The following SUGCT variants were observed in gnomAD, a reference collection of about 807,000 sequenced individuals.
The protein encoded by SUGCT is succinyl-CoA:glutarate-CoA transferase, also known as succinyl-CoA:glutarate CoA-transferase.
In SUGCT, 41 loss-of-function variants were observed where a neutral mutation model predicts 55.0. The ratio of observed to expected loss-of-function variants is 0.74; its 90% CI spans 0.58 to 0.97. The LOEUF (loss-of-function observed/expected upper bound fraction) is 0.97, where lower values mean the gene tolerates loss of function less well. SUGCT is among the 50% of genes least tolerant of loss of function. The probability of loss-of-function intolerance (pLI) is 0.00; values close to 1 mark genes in which losing one functional copy is unlikely to be tolerated. For missense variants in SUGCT, 568 were observed against 547.8 expected (o/e 1.04, Z -0.37); for synonymous variants, 187 against 200.4 (o/e 0.93, Z 0.56).
intron 12 of SUGCT, among the ~76,000 whole-genome samples, chr7:40,579,025 T>A (rs1562875565): frequency 6.6e-6 from 1 of 152,130 alleles, no homozygotes; most frequent in Non-Finnish European, 1.5e-5. Flanking sequence ...CGTGCTTGGC[T>A]CCAGGGACAG....
chr7:40,278,641 C>G (rs1028981657), intron 8 of SUGCT, among the ~76,000 whole-genome samples: 2 of 152,038 alleles, frequency 1.3e-5, no homozygotes, highest in African/African-American at 4.8e-5. Flanking sequence ...CTCTGTCCTC[C>G]CTTTCTTCTC....
At chr7:40,179,862 G>A (rs182769055) in intron 1 of SUGCT, among the ~76,000 whole-genome samples, 7 of 152,270 alleles carry the variant, frequency 4.6e-5, no homozygotes, top group Admixed American at 2.0e-4. Flanking sequence ...TCCTGTTGGC[G>A]AAAACAAGGC....
intron 10 of SUGCT, among the ~76,000 whole-genome samples, chr7:40,458,428 A>G (rs1438730405): frequency 6.6e-6 from 1 of 152,204 alleles, no homozygotes; most frequent in African/African-American, 2.4e-5. Flanking sequence ...CAAAAGAGGA[A>G]ATCTATAAAA....
rs11307043 is a variant in SUGCT at position 40,800,286 on chromosome 7, CTT to C, written c.1153+50807_1153+50808del. Among the ~76,000 whole-genome samples the C allele has an allele frequency of 1.0e-3, 130 of 124,580 alleles. 1 individual carries two copies. Among genetic ancestry groups the C allele is most frequent in the African/African-American group, 1.8e-3 (60 of 33,552 alleles). 81.7% of individuals were successfully genotyped at this position (124,580 alleles called of 152,430 possible). ...CAGGGTTGGGGTGTCGTATTCATGA[CTT>C]TTTTTTTTTTTTTTTTTGAGACAAA... On this transcript the variant is annotated intron_variant, in intron 13 of 13. Transcript: ENST00000335693.
At chr7:40,944,634 T>C in the SUGCT span, among the ~76,000 whole-genome samples, 1 of 152,038 alleles carries the variant, frequency 6.6e-6, no homozygotes, top group African/African-American at 2.4e-5. Flanking sequence ...TGTTCCATTG[T>C]TTTGGTACCA....
At chr7:40,266,065 C>T (rs1460652183) in intron 7 of SUGCT, among the ~76,000 whole-genome samples, 1 of 151,986 alleles carries the variant, frequency 6.6e-6, no homozygotes, top group Non-Finnish European at 1.5e-5. Flanking sequence ...AGAAAAACCA[C>T]TAAACCATTT....
intron 12 of SUGCT, among the ~76,000 whole-genome samples, chr7:40,601,128 T>C (rs1298768881): frequency 1.3e-5 from 2 of 152,212 alleles, no homozygotes; most frequent in Non-Finnish European, 2.9e-5. Flanking sequence ...AGTTTATCTA[T>C]GTGCAGGACC....
chr7:40,979,979 A>G, the SUGCT span: 2 of 152,222 alleles, frequency 1.3e-5, no homozygotes, highest in East Asian at 1.9e-4. Context: ...AATACCCTGG[A>G]CTAGGTGACA....
At chr7:40,870,226 G>A in the SUGCT span, among the ~76,000 whole-genome samples, 1 of 152,094 alleles carries the variant, frequency 6.6e-6, no homozygotes, top group African/African-American at 2.4e-5. Flanking sequence ...AGTGTTACAT[G>A]GCTGTGCTCT....
chr7:40,821,495 G>A (rs1221757176), intron 13 of SUGCT, among the ~76,000 whole-genome samples: 1 of 152,186 alleles, frequency 6.6e-6, no homozygotes, highest in South Asian at 2.1e-4. Context: ...AGTCTTGGGA[G>A]GGTGTATGTG....
intron 9 of SUGCT, among the ~76,000 whole-genome samples, chr7:40,332,443 A>ATTTTTTTT (rs57902207): frequency 1.4e-5 from 2 of 139,386 alleles, no homozygotes; most frequent in African/African-American, 2.6e-5. Flanking sequence ...TCTGCATTGG[A>ATTTTTTTT]TTTTTTTTTT....
At chr7:40,613,441 A>C (rs1798855815) in intron 12 of SUGCT, among the ~76,000 whole-genome samples, 1 of 152,210 alleles carries the variant, frequency 6.6e-6, no homozygotes, top group African/African-American at 2.4e-5. Flanking sequence ...TGTTTTCCCC[A>C]ACTGGGATAG....
the SUGCT span, among the ~76,000 whole-genome samples, chr7:41,029,137 C>G: frequency 6.6e-6 from 1 of 152,134 alleles, no homozygotes; most frequent in Admixed American, 6.5e-5. Context: ...CGTGAGGACT[C>G]CCCAGCAAGC....
At chr7:40,568,338 C>T (rs897636644) in intron 12 of SUGCT, among the ~76,000 whole-genome samples, 1 of 151,794 alleles carries the variant, frequency 6.6e-6, no homozygotes, top group African/African-American at 2.4e-5. Context: ...CACACATGCA[C>T]ACACACACAC....
intron 7 of SUGCT, among the ~76,000 whole-genome samples, chr7:40,262,302 G>T (rs573450347): frequency 3.9e-5 from 6 of 152,008 alleles, no homozygotes; most frequent in Non-Finnish European, 8.8e-5. Flanking sequence ...AGTGGTAAAA[G>T]CATGTTTCTC....
intron 12 of SUGCT, among the ~76,000 whole-genome samples, chr7:40,736,335 T>C (rs556501810): frequency 8.4e-4 from 125 of 148,146 alleles, no homozygotes; most frequent in African/African-American, 2.9e-3. Context: ...TATATACATT[T>C]ATGTGTATAT....
At chr7:40,287,165 C>T (rs937867997) in intron 8 of SUGCT, among the ~76,000 whole-genome samples, 2 of 151,978 alleles carry the variant, frequency 1.3e-5, no homozygotes, top group Non-Finnish European at 1.5e-5. Context: ...CAGCATTGAG[C>T]GATAGAACTT....
At chr7:41,002,490 A>C in the SUGCT span, among the ~76,000 whole-genome samples, 1 of 152,214 alleles carries the variant, frequency 6.6e-6, no homozygotes, top group East Asian at 1.9e-4. Flanking sequence ...AAGATAGGAC[A>C]GAAGGGTGAG....
intron 13 of SUGCT, among the ~76,000 whole-genome samples, chr7:40,821,355 G>A (rs888306682): frequency 3.3e-5 from 5 of 152,098 alleles, no homozygotes; most frequent in Non-Finnish European, 7.4e-5. Flanking sequence ...GCTCCTCCTC[G>A]TACCTCTGGT....
Sources: allele counts gnomAD v4.1 joint callset (sites outside exome capture counted in the v4.1 genomes callset), GRCh38; gene constraint gnomAD v4.1.1; transcripts MANE v1.5; gene names NCBI Gene and HGNC (gene_info 2026-07-23, HGNC 2026-07-21).